LHFPL3: variants seen among roughly 807,000 people sequenced by gnomAD.
LHFPL3 encodes LHFPL tetraspan subfamily member 3, also known as LHFPL tetraspan subfamily member 3 protein.
LHFPL3 carries 5 observed loss-of-function variants against 19.3 expected under a neutral mutation model. That is an observed-to-expected ratio of 0.26 (90% confidence interval 0.14 to 0.54). The LOEUF (loss-of-function observed/expected upper bound fraction) is 0.54. Ranked by LOEUF, LHFPL3 falls within the 20% of genes least tolerant of loss-of-function variation. The pLI is 0.94. For synonymous variants in LHFPL3, 133 were observed against 126.2 expected (o/e 1.05, Z -0.36); for missense variants, 249 against 307.4 (o/e 0.81, Z 1.42).
chr7:104,711,337 A>G (rs1793297349), intron 1 of LHFPL3, among the ~76,000 whole-genome samples: 1 of 152,220 alleles, frequency 6.6e-6, no homozygotes, highest in Non-Finnish European at 1.5e-5. Flanking sequence ...TGTAACCCCA[A>G]CAGGGAGCCA....
chr7:104,512,139 G>A (rs1472594160), intron 1 of LHFPL3, among the ~76,000 whole-genome samples: 1 of 151,630 alleles, frequency 6.6e-6, no homozygotes, highest in African/African-American at 2.4e-5. Flanking sequence ...ATTTTTACTA[G>A]AGACAGGGTT....
chr7:104,424,983 T>TAAAAAAAAAAAAAAAAAAA (rs71153196), intron 1 of LHFPL3, among the ~76,000 whole-genome samples: 11 of 65,154 alleles, frequency 1.7e-4, no homozygotes, highest in East Asian at 1.5e-3. Flanking sequence ...CTCCATCTCA[T>TAAAAAAAAAAAAAAAAAAA]AAAAAAAAAA....
At position 104,602,981 on chromosome 7, in the gene LHFPL3, C is replaced by T. The variant is rs570742883; in HGVS notation, c.446-133694C>T. On this transcript the variant is annotated intron_variant, in intron 1 of 2. Coordinates refer to ENST00000424859, the MANE Select transcript of LHFPL3 (RefSeq NM_199000.3). The stretch of plus-strand genomic sequence containing the variant: ...TTAATCATATTCATGAGGCCAGAGC[C>T]ATCATGACCTAATCGCCTCTTAAAG... Among the ~76,000 whole-genome samples the T allele has an allele frequency of 3.9e-5, 6 of 152,274 alleles. No homozygotes were observed. In the East Asian group the frequency reaches 5.8e-4, roughly 15 times the overall value.
At chr7:104,894,420 G>C (rs1360534036) in intron 2 of LHFPL3, among the ~76,000 whole-genome samples, 1 of 152,076 alleles carries the variant, frequency 6.6e-6, no homozygotes, top group Non-Finnish European at 1.5e-5. Context: ...AAGCTTTTCT[G>C]GGAGATGTCC....
chr7:104,671,746 C>G (rs180701816), intron 1 of LHFPL3, among the ~76,000 whole-genome samples: 2 of 152,182 alleles, frequency 1.3e-5, no homozygotes, highest in Admixed American at 1.3e-4. Flanking sequence ...ATAATAATCC[C>G]TATTTATTCA....
At chr7:104,520,841 T>C (rs1435577746) in intron 1 of LHFPL3, among the ~76,000 whole-genome samples, 126 of 136,958 alleles carry the variant, frequency 9.2e-4, no homozygotes, top group African/African-American at 2.0e-3. Context: ...TCTCTCTTTT[T>C]TTCTTTATTA....
intron 1 of LHFPL3, among the ~76,000 whole-genome samples, chr7:104,727,752 A>G (rs1191844833): frequency 6.6e-6 from 1 of 152,176 alleles, no homozygotes; most frequent in Non-Finnish European, 1.5e-5. Context: ...GAAAAAAGAA[A>G]AAAAAACTTG....
chr7:104,359,458 T>C (rs142347507), intron 1 of LHFPL3, among the ~76,000 whole-genome samples: 1 of 152,368 alleles, frequency 6.6e-6, no homozygotes, highest in African/African-American at 2.4e-5. Context: ...TTTTGAAGTG[T>C]CAATGTTCCC....
chr7:104,370,738 TG>T (rs1790598267), intron 1 of LHFPL3, among the ~76,000 whole-genome samples: 1 of 151,760 alleles, frequency 6.6e-6, no homozygotes, highest in African/African-American at 2.4e-5. Flanking sequence ...AAAAATTAGC[TG>T]GGTGTGGTGG....
At position 104,329,235 on chromosome 7, in the gene LHFPL3, G is replaced by T. The variant is rs372720160; in HGVS notation, c.445+11G>T. 3.2e-6 allele frequency: 5 copies of T among 1,586,106 alleles called. No individual in the cohort carries two copies. In the African/African-American group the frequency reaches 6.7e-5, roughly 21 times the overall value. On this transcript the variant is annotated intron_variant, in intron 1 of 2. Coordinates refer to ENST00000424859, the MANE Select transcript of LHFPL3 (RefSeq NM_199000.3). ...TGCAGCTCACCTCCGGTGAGTGCGCGCTCACCTCCGCGGAGGCGGAGGACC... is the reference window on the plus strand; with the variant it reads ...TGCAGCTCACCTCCGGTGAGTGCGCTCTCACCTCCGCGGAGGCGGAGGACC...
chr7:104,506,154 C>G (rs1793694203), intron 1 of LHFPL3, among the ~76,000 whole-genome samples: 1 of 151,966 alleles, frequency 6.6e-6, no homozygotes, highest in Non-Finnish European at 1.5e-5. Flanking sequence ...GTAGCTGGGA[C>G]TATAGGCATG....
chr7:104,460,467 A>G (rs923846424), intron 1 of LHFPL3, among the ~76,000 whole-genome samples: 3 of 152,192 alleles, frequency 2.0e-5, no homozygotes, highest in Admixed American at 6.5e-5. Flanking sequence ...ACTCCCACCA[A>G]CAGTGTATAA....
At chr7:104,867,870 C>G (rs1584586511) in intron 2 of LHFPL3, among the ~76,000 whole-genome samples, 1 of 152,204 alleles carries the variant, frequency 6.6e-6, no homozygotes, top group Non-Finnish European at 1.5e-5. Context: ...CACCAAAAAG[C>G]TTATCCACCA....
At chr7:104,668,234 T>A in intron 1 of LHFPL3, 1 of 1,613,030 alleles carries the variant, frequency 6.2e-7, no homozygotes, top group Non-Finnish European at 8.5e-7. Flanking sequence ...AGTCTCTAAG[T>A]AACAGGAGAA....
intron 1 of LHFPL3, among the ~76,000 whole-genome samples, chr7:104,592,178 C>T (rs1375682819): frequency 6.6e-6 from 1 of 152,038 alleles, no homozygotes; most frequent in Non-Finnish European, 1.5e-5. Context: ...GAGCTGCTTT[C>T]CTTTGGAGGA....
chr7:104,459,729 G>A (rs1268961995), intron 1 of LHFPL3, among the ~76,000 whole-genome samples: 1 of 152,014 alleles, frequency 6.6e-6, no homozygotes, highest in Non-Finnish European at 1.5e-5. Context: ...TTTTGTTCCT[G>A]GATTAATGAT....
At position 104,329,008 on chromosome 7, in the gene LHFPL3, C is replaced by A; in HGVS notation, c.229C>A (p.His77Asn). 1 of 1,614,132 alleles carries A rather than the reference C, an allele frequency of 6.2e-7. No homozygotes were observed. The highest frequency in any genetic ancestry group is 8.5e-7 in the Non-Finnish European group (1 of 1,179,966). Residue 77 changes from histidine to asparagine, a missense_variant, in exon 1 of 3, where the codon CAC becomes AAC. His to Asn is a moderately conservative substitution (Grantham distance 68). Transcript: ENST00000424859. ...TPQAGYFGLF[H>N]YCIGNGFSRE... ...GCAAGCCGGCTATTTCGGGCTCTTCCACTACTGCATCGGCAACGGCTTCTC... is the reference window on the plus strand; with the variant it reads ...GCAAGCCGGCTATTTCGGGCTCTTCAACTACTGCATCGGCAACGGCTTCTC...
At chr7:104,648,879 A>T (rs757038173) in intron 1 of LHFPL3, among the ~76,000 whole-genome samples, 1 of 152,238 alleles carries the variant, frequency 6.6e-6, no homozygotes, top group Non-Finnish European at 1.5e-5. Context: ...AGAGTAACAC[A>T]TAAGAATATT....
chr7:104,358,277 C>T (rs1205421444), intron 1 of LHFPL3, among the ~76,000 whole-genome samples: 1 of 152,068 alleles, frequency 6.6e-6, no homozygotes, highest in African/African-American at 2.4e-5. Flanking sequence ...TTCAGTTGTG[C>T]ACTTTAAAAT....
Sources: allele counts gnomAD v4.1 joint callset (sites outside exome capture counted in the v4.1 genomes callset), GRCh38; gene constraint gnomAD v4.1.1; transcripts MANE v1.5; gene names NCBI Gene and HGNC (gene_info 2026-07-23, HGNC 2026-07-21).